CWF19L2: variants seen among roughly 807,000 people sequenced by gnomAD.
CWF19L2 encodes CWF19-like protein 2.
In CWF19L2, 98 loss-of-function variants were observed where a neutral mutation model predicts 111.7. The observed-to-expected ratio is 0.88, with a 90% CI of 0.75 to 1.04. The LOEUF (loss-of-function observed/expected upper bound fraction) is 1.04. Ranked by LOEUF, CWF19L2 falls within the 50% of genes least tolerant of loss-of-function variation. The pLI is 0.00. For synonymous variants in CWF19L2, 351 were observed against 342.9 expected (o/e 1.02, Z -0.26); for missense variants, 1,101 against 1,051.4 (o/e 1.05, Z -0.65).
chr11:107,386,889 A>G (rs553949086), intron 12 of CWF19L2, among the ~76,000 whole-genome samples: 44 of 152,204 alleles, frequency 2.9e-4, no homozygotes, highest in Non-Finnish European at 6.0e-4. Context: ...CCCCGTCTCT[A>G]CTAAAAACAC....
chr11:107,438,352 T>A (rs976448238), intron 6 of CWF19L2, among the ~76,000 whole-genome samples: 8 of 152,212 alleles, frequency 5.3e-5, no homozygotes, highest in African/African-American at 1.9e-4. Flanking sequence ...TTTGTCTCCA[T>A]CTGCTGGAAA....
intron 12 of CWF19L2, among the ~76,000 whole-genome samples, chr11:107,367,075 A>G (rs1326316263): frequency 8.6e-6 from 1 of 116,678 alleles, no homozygotes; most frequent in Non-Finnish European, 1.8e-5. Context: ...CACATGAAAA[A>G]ATGCTCATCA....
intron 14 of CWF19L2, among the ~76,000 whole-genome samples, chr11:107,342,568 T>C (rs1480046266): frequency 6.6e-6 from 1 of 151,702 alleles, no homozygotes; most frequent in African/African-American, 2.4e-5. Context: ...ATTAGTTTTG[T>C]GGCAAGATAG....
Position 107,433,721 on chromosome 11 carries a change from G to A in CWF19L2, c.693C>T (p.Ser231=), listed in dbSNP as rs747811292. ...TTCTTAGATAAGATTTCCTTAGCCA[G>A]CTTAATCCACCATCTTCTACCACTG... is the stretch of plus-strand genomic sequence containing the variant. ...KVSVVEDGGL[S]WLRKSYLRMK... Residue 231 remains serine, a synonymous_variant, in exon 7 of 18, where the codon AGC becomes AGT. Coordinates refer to ENST00000282251, the MANE Select transcript of CWF19L2 (RefSeq NM_152434.3). The A allele has an allele frequency of 1.1e-5, 17 of 1,581,956 alleles. No individual in the cohort carries two copies. The highest frequency in any genetic ancestry group is 3.5e-5 in the South Asian group (3 of 86,704).
chr11:107,436,264 A>G (rs1430197159), intron 6 of CWF19L2, among the ~76,000 whole-genome samples: 1 of 152,134 alleles, frequency 6.6e-6, no homozygotes, highest in Admixed American at 6.5e-5. Context: ...ATATCAAATA[A>G]TTATATAAAT....
intron 10 of CWF19L2, among the ~76,000 whole-genome samples, chr11:107,407,266 A>ACAAAAT (rs1861092477): frequency 6.6e-6 from 1 of 152,110 alleles, no homozygotes; most frequent in South Asian, 2.1e-4. Context: ...AGTCTACAAT[A>ACAAAAT]TGGTTAATTT....
chr11:107,343,367 C>A (rs1307862491), intron 14 of CWF19L2, among the ~76,000 whole-genome samples: 1 of 151,744 alleles, frequency 6.6e-6, no homozygotes, highest in Admixed American at 6.6e-5. Flanking sequence ...ATGTAATGCC[C>A]CTCTCTTCTT....
At chr11:107,351,781 T>C (rs1487938733) in intron 13 of CWF19L2, among the ~76,000 whole-genome samples, 1 of 152,190 alleles carries the variant, frequency 6.6e-6, no homozygotes, top group Non-Finnish European at 1.5e-5. Flanking sequence ...GAAATGATGA[T>C]GGTCAGTTCC....
chr11:107,452,719 T>TTG (rs1198382932), intron 3 of CWF19L2, among the ~76,000 whole-genome samples: 5 of 152,156 alleles, frequency 3.3e-5, no homozygotes, highest in Non-Finnish European at 7.4e-5. Context: ...AGGCCAAGCA[T>TTG]GGTGGCTCAC....
intron 13 of CWF19L2, among the ~76,000 whole-genome samples, chr11:107,349,894 T>A (rs983552520): frequency 6.6e-6 from 1 of 152,140 alleles, no homozygotes; most frequent in African/African-American, 2.4e-5. Flanking sequence ...CATGGGTATG[T>A]CTATAGACAA....
At chr11:107,441,055 C>G (rs1221849806) in intron 5 of CWF19L2, among the ~76,000 whole-genome samples, 1 of 152,088 alleles carries the variant, frequency 6.6e-6, no homozygotes, top group Non-Finnish European at 1.5e-5. Context: ...ATGCTTTTGC[C>G]TCATTTTTTG....
intron 12 of CWF19L2, among the ~76,000 whole-genome samples, chr11:107,357,413 A>G (rs1187803788): frequency 2.0e-5 from 3 of 152,238 alleles, no homozygotes; most frequent in South Asian, 2.1e-4. Flanking sequence ...ACATTTATAC[A>G]TACATAATTG....
At position 107,457,793 on chromosome 11, in the gene CWF19L2, A is replaced by G. The variant is rs1271378529; in HGVS notation, c.24T>C (p.Ala8=). The stretch of plus-strand genomic sequence containing the variant: ...TCTTCGCACTTTCAAATCTACCACT[A>G]GCAGCCGCCATACTTGTTGCCATCG... MATSMAA[A]SGRFESAKSI... The change falls in exon 1 of 18, where the codon GCT becomes GCC. Residue 8 remains alanine (A), a synonymous_variant. Transcript: ENST00000282251. 1 of 1,551,690 alleles carries G rather than the reference A, an allele frequency of 6.4e-7. No individual in the cohort carries two copies. Among genetic ancestry groups the G allele is most frequent in the Admixed American group, 2.0e-5 (1 of 51,002 alleles).
Position 107,390,095 on chromosome 11 carries a change from G to A in CWF19L2, c.1851C>T (p.Leu617=). The A allele has an allele frequency of 6.2e-7, 1 of 1,612,666 alleles. No homozygotes were observed. The highest frequency in any genetic ancestry group is 8.5e-7 in the Non-Finnish European group (1 of 1,179,428). ...TTACCTTAGATGCCATTCTCATAAA[G>A]AGCTTGTTTTGATTTTCTGCTGTTC... is the stretch of plus-strand genomic sequence containing the variant. ...KMGTAENQNK[L]FMRMASKFMG... is the part of the protein sequence containing the mutation. The change falls in exon 12 of 18, where the codon CTC becomes CTT. Residue 617 remains leucine, a synonymous_variant. Coordinates refer to ENST00000282251, the MANE Select transcript of CWF19L2 (RefSeq NM_152434.3).
At chr11:107,439,935 A>G (rs80356324) in intron 5 of CWF19L2, among the ~76,000 whole-genome samples, 1,958 of 152,308 alleles carry the variant, frequency 0.013, 34 homozygotes, top group African/African-American at 0.044. Context: ...GAACAAGATC[A>G]GAGGCACAAG....
chr11:107,343,354 A>C (rs1860032736), intron 14 of CWF19L2, among the ~76,000 whole-genome samples: 1 of 151,946 alleles, frequency 6.6e-6, no homozygotes, highest in African/African-American at 2.4e-5. Context: ...CCCTTTCATC[A>C]TTATGTAATG....
chr11:107,342,384 T>C (rs766749916), intron 14 of CWF19L2, among the ~76,000 whole-genome samples: 1 of 152,154 alleles, frequency 6.6e-6, no homozygotes, highest in Non-Finnish European at 1.5e-5. Flanking sequence ...TTTCTTAAAT[T>C]TCTCCTGAAA....
In CWF19L2 at chr11:107,408,831, C is replaced by T. The variant is rs181782034; in HGVS notation, c.1617+7378G>A. On this transcript the variant is annotated intron_variant, in intron 10 of 17. Coordinates refer to ENST00000282251, the MANE Select transcript of CWF19L2 (RefSeq NM_152434.3). ...AAGACCATACCTCAGGAAAAGTGTG[C>T]CTACAGTAACATGGCAAGGTAAACA... 3.1e-3 allele frequency among the ~76,000 whole-genome samples: 469 copies of T among 152,062 alleles called. 4 individuals are homozygous for T. The highest frequency in any genetic ancestry group is 0.011 in the African/African-American group (449 of 41,530).
chr11:107,348,811 AAC>A (rs1460651250), intron 14 of CWF19L2, 124 bp downstream of exon 14: 4 of 519,212 alleles, frequency 7.7e-6, no homozygotes, highest in Admixed American at 3.5e-5. Flanking sequence ...CAACTATGAA[AAC>A]ACACGTGTTT....
Sources: gnomAD v4.1 joint callset for allele counts (sites outside exome capture counted in the v4.1 genomes callset) on GRCh38, gnomAD v4.1.1 for gene constraint, MANE v1.5 for transcripts, NCBI Gene and HGNC (gene_info 2026-07-23, HGNC 2026-07-21) for gene names.